Variants in HERC2 observed in about 807,000 individuals in gnomAD.
HERC2 encodes HECT and RLD domain containing E3 ubiquitin protein ligase 2.
HERC2 carries 102 observed loss-of-function variants against 537.7 expected under a neutral mutation model. That is an observed-to-expected ratio of 0.19 (90% CI 0.16 to 0.22). The LOEUF is 0.22. Among genes scored for constraint, HERC2 ranks in the 10% least tolerant of loss-of-function variants. HERC2 has a pLI of 1.00. For missense variants in HERC2, 4,236 were observed against 6,198.2 expected, an observed-to-expected ratio of 0.68 and a Z score of 10.63; for synonymous variants, 2,224 against 2,466.2, an observed-to-expected ratio of 0.90 and a Z score of 2.91.
intron 4 of HERC2, among the ~76,000 whole-genome samples, chr15:28,288,586 T>C (rs192313154): frequency 0.021 from 3,076 of 147,926 alleles, 86 homozygotes; most frequent in African/African-American, 0.073. Context: ...CCTATAATCC[T>C]ATAATCCCAG....
chr15:28,168,742 C>A lies in HERC2; in HGVS notation c.10230-152G>T, dbSNP rs1350019664. Reference sequence around the variant, plus strand: ...TTTGGAAAACTACCAAACATTATTACCATGTATCCTTTGGCTAATAGCTAA... The same window carrying A: ...TTTGGAAAACTACCAAACATTATTAACATGTATCCTTTGGCTAATAGCTAA... On this transcript the variant is annotated intron_variant, in intron 66 of 92. Transcript: ENST00000261609. The A allele has an allele frequency of 4.9e-6, 3 of 608,182 alleles. No homozygotes were observed. The African/African-American group carries it at 5.7e-5, about 12-fold the overall frequency. The allele number at this position is 608,182 out of a possible 1,614,324, so 37.7% of individuals were successfully genotyped here.
chr15:28,224,636 C>T (rs902748964), intron 35 of HERC2, among the ~76,000 whole-genome samples: 1 of 152,150 alleles, frequency 6.6e-6, no homozygotes, highest in African/African-American at 2.4e-5. Context: ...AGCCAAAGAA[C>T]ACCACCATAA....
intron 4 of HERC2, among the ~76,000 whole-genome samples, chr15:28,292,439 G>C (rs2076343072): frequency 6.6e-6 from 1 of 152,146 alleles, no homozygotes; most frequent in South Asian, 2.1e-4. Context: ...TGAGGGTGTG[G>C]AGAAATGGGA....
chr15:28,252,849 C>T (rs559686854), intron 20 of HERC2, among the ~76,000 whole-genome samples: 231 of 152,312 alleles, frequency 1.5e-3, no homozygotes, highest in Admixed American at 2.5e-3. Flanking sequence ...CAAAATTTCA[C>T]TGTGCGTCTA....
At chr15:28,251,043 T>C (rs1009862273) in intron 20 of HERC2, among the ~76,000 whole-genome samples, 1 of 152,168 alleles carries the variant, frequency 6.6e-6, no homozygotes, top group Non-Finnish European at 1.5e-5. Context: ...AAAAGTCACA[T>C]GCAGCAAGGA....
chr15:28,320,172 T>C (rs2595846), intron 2 of HERC2: 7 of 152,296 alleles, frequency 4.6e-5, no homozygotes, highest in Middle Eastern at 3.4e-3. Context: ...TGGAGTGCAA[T>C]GGCATGATCT....
intron 2 of HERC2, among the ~76,000 whole-genome samples, chr15:28,300,336 T>G (rs1035496537): frequency 1.5e-4 from 23 of 149,522 alleles, no homozygotes; most frequent in Non-Finnish European, 2.6e-4. Flanking sequence ...AATTAACCCA[T>G]GCATATACAA....
chr15:28,128,929 G>A (rs947177446), intron 83 of HERC2, among the ~76,000 whole-genome samples: 1 of 152,186 alleles, frequency 6.6e-6, no homozygotes, highest in Non-Finnish European at 1.5e-5. Flanking sequence ...CAGCAACAGA[G>A]GGTAGAGAGC....
chr15:28,278,134 T>C (rs985052819), intron 5 of HERC2, among the ~76,000 whole-genome samples: 1 of 151,388 alleles, frequency 6.6e-6, no homozygotes, highest in Admixed American at 6.6e-5. Context: ...TGGTGGCTCA[T>C]GCTTGTAATC....
chr15:28,310,618 C>A (rs972396675), intron 2 of HERC2, among the ~76,000 whole-genome samples: 2 of 152,148 alleles, frequency 1.3e-5, no homozygotes, highest in Non-Finnish European at 2.9e-5. Flanking sequence ...TCAGTCCAAA[C>A]CCTACCACAA....
chr15:28,284,656 C>T (rs535911087), intron 4 of HERC2, among the ~76,000 whole-genome samples: 1 of 152,174 alleles, frequency 6.6e-6, no homozygotes, highest in Non-Finnish European at 1.5e-5. Flanking sequence ...GGCACAGTGG[C>T]TCACGCCTGT....
intron 43 of HERC2, among the ~76,000 whole-genome samples, chr15:28,211,657 C>T (rs1899248376): frequency 6.6e-6 from 1 of 152,032 alleles, no homozygotes; most frequent in South Asian, 2.1e-4. Flanking sequence ...GCTCAACTAA[C>T]TGGCAGACAG....
At chr15:28,220,898 A>C (rs1293511501) in intron 36 of HERC2, among the ~76,000 whole-genome samples, 30 of 106,334 alleles carry the variant, frequency 2.8e-4, no homozygotes, top group African/African-American at 7.6e-4. Context: ...AGGAGGGTGC[A>C]TGCCCTGCCC....
At chr15:28,124,875 G>A (rs1889306079) in intron 84 of HERC2, 131 bp downstream of exon 84, 1 of 948,966 alleles carries the variant, frequency 1.1e-6, no homozygotes, top group Admixed American at 2.5e-5. Flanking sequence ...TAAATGCACT[G>A]TGTGGTTAAC....
At chr15:28,194,460 C>A (rs1466825255) in intron 52 of HERC2, among the ~76,000 whole-genome samples, 1 of 151,384 alleles carries the variant, frequency 6.6e-6, no homozygotes, top group African/African-American at 2.4e-5. Context: ...GTCGCAGCTA[C>A]TCGGGAGGCT....
At chr15:28,198,247 A>G (rs751806857) in intron 50 of HERC2, 131 bp downstream of exon 50, 1 of 1,058,262 alleles carries the variant, frequency 9.4e-7, no homozygotes, top group African/African-American at 1.6e-5. Flanking sequence ...AGGCACTGAC[A>G]AGCAAAGGAA....
intron 48 of HERC2, 62 bp downstream of exon 48, chr15:28,201,394 C>T (rs1897891704): frequency 3.7e-6 from 4 of 1,076,196 alleles, no homozygotes; most frequent in Non-Finnish European, 4.3e-6. Flanking sequence ...GCATATAGGA[C>T]ATACTCAAAT....
chr15:28,303,691 T>A (rs528423773), intron 2 of HERC2, among the ~76,000 whole-genome samples: 1 of 152,240 alleles, frequency 6.6e-6, no homozygotes, highest in African/African-American at 2.4e-5. Flanking sequence ...ACACGGAGTA[T>A]CTTTTCCTTT....
Position 28,186,521 on chromosome 15 carries a change from G to C in HERC2, c.8825+56C>G, listed in dbSNP as rs1896322886. ...TAATTAAATGTTTCCTTTCGAAAGT[G>C]AGGATCCAGGAATGTAGCGGGAGGT... is the stretch of plus-strand genomic sequence containing the variant. On this transcript the variant is annotated intron_variant, in intron 56 of 92. Coordinates refer to ENST00000261609, the MANE Select transcript of HERC2 (RefSeq NM_004667.6). The C allele has an allele frequency of 5.6e-6, 8 of 1,417,842 alleles. No individual in the cohort carries two copies. In the South Asian group the frequency reaches 9.9e-5, roughly 18 times the overall value. The allele number at this position is 1,417,842 out of a possible 1,614,324, so 87.8% of individuals were successfully genotyped here. A position where few individuals can be genotyped will look rare whatever the true frequency, so the allele number is the denominator to read the frequency against.
Sources: gnomAD v4.1 joint callset for allele counts (sites outside exome capture counted in the v4.1 genomes callset) on GRCh38, gnomAD v4.1.1 for gene constraint, MANE v1.5 for transcripts, NCBI Gene and HGNC (gene_info 2026-07-23, HGNC 2026-07-21) for gene names.